PCCA: variants seen among roughly 807,000 people sequenced by gnomAD.
PCCA encodes propionyl-CoA carboxylase alpha chain, mitochondrial.
Under a neutral mutation model 101.3 loss-of-function variants are expected in PCCA, and 74 were observed. That is an observed-to-expected ratio of 0.73 (90% CI 0.61 to 0.89). The LOEUF is 0.89. Among genes scored for constraint, PCCA ranks in the 40% least tolerant of loss-of-function variants. The probability of loss-of-function intolerance (pLI) is 0.00; values close to 1 mark genes in which losing one functional copy is unlikely to be tolerated. For missense variants in PCCA, 891 were observed against 907.0 expected (o/e 0.98, Z 0.23); for synonymous variants, 294 against 313.6 (o/e 0.94, Z 0.66).
At chr13:100,514,623 A>G (rs1015954928) in intron 21 of PCCA, among the ~76,000 whole-genome samples, 6 of 152,136 alleles carry the variant, frequency 3.9e-5, no homozygotes, top group African/African-American at 1.2e-4. Flanking sequence ...GAGGATAGGA[A>G]TTCTCTTTTT....
intron 18 of PCCA, among the ~76,000 whole-genome samples, chr13:100,360,755 G>GT (rs2074484658): frequency 6.6e-6 from 1 of 152,168 alleles, no homozygotes; most frequent in African/African-American, 2.4e-5. Flanking sequence ...CAGTTTGGCA[G>GT]TTTCTTACAC....
At chr13:100,100,901 T>C (rs2047218807) in intron 1 of PCCA, among the ~76,000 whole-genome samples, 2 of 152,020 alleles carry the variant, frequency 1.3e-5, no homozygotes, top group Non-Finnish European at 2.9e-5. Context: ...CCTCCCGGGT[T>C]CAAGCGATTC....
intron 19 of PCCA, among the ~76,000 whole-genome samples, chr13:100,370,013 T>C (rs76455440): frequency 6.6e-6 from 1 of 151,246 alleles, no homozygotes; most frequent in African/African-American, 2.4e-5. Flanking sequence ...CAATGTTCTT[T>C]TAAGTAGTGC....
intron 8 of PCCA, chr13:100,236,816 A>G (rs2060832007): frequency 6.6e-6 from 1 of 152,226 alleles, no homozygotes; most frequent in South Asian, 2.1e-4. Flanking sequence ...TATTTTTGGT[A>G]TCTGCTAATT....
At chr13:100,367,334 G>A (rs1300022212) in intron 18 of PCCA, among the ~76,000 whole-genome samples, 3 of 152,050 alleles carry the variant, frequency 2.0e-5, no homozygotes, top group Admixed American at 2.0e-4. Flanking sequence ...TTTCTGGGGG[G>A]TTTTAGGTGA....
chr13:100,135,544 T>A (rs959259326), intron 4 of PCCA, among the ~76,000 whole-genome samples: 5 of 152,342 alleles, frequency 3.3e-5, no homozygotes, highest in African/African-American at 1.2e-4. Context: ...ACTCATTAGT[T>A]CTAGGAGTAT....
intron 21 of PCCA, chr13:100,490,464 C>T (rs970860265): frequency 6.6e-6 from 1 of 152,352 alleles, no homozygotes. Flanking sequence ...TTTAGAAGAA[C>T]ATGCACAGTT....
intron 7 of PCCA, among the ~76,000 whole-genome samples, chr13:100,214,414 T>G (rs2059396506): frequency 1.3e-5 from 2 of 151,608 alleles, no homozygotes; most frequent in Non-Finnish European, 1.5e-5. Flanking sequence ...TAGTTGTTTT[T>G]TTGTGTGTGT....
At chr13:100,416,877 C>G (rs528140065) in intron 19 of PCCA, among the ~76,000 whole-genome samples, 1 of 151,294 alleles carries the variant, frequency 6.6e-6, no homozygotes, top group Non-Finnish European at 1.5e-5. Context: ...GAGTTTTGCT[C>G]TTGTTGTCCA....
intron 18 of PCCA, among the ~76,000 whole-genome samples, chr13:100,346,051 A>G (rs1340299483): frequency 6.6e-6 from 1 of 152,264 alleles, no homozygotes; most frequent in South Asian, 2.1e-4. Flanking sequence ...AAGAGCTCTG[A>G]TGGAGAAGCA....
At chr13:100,485,182 C>T (rs1400430071) in intron 21 of PCCA, among the ~76,000 whole-genome samples, 1 of 152,194 alleles carries the variant, frequency 6.6e-6, no homozygotes, top group Non-Finnish European at 1.5e-5. Flanking sequence ...GCTGTTCCCA[C>T]CCCATTGCTT....
At chr13:100,141,398 CATTT>C (rs150344973) in intron 4 of PCCA, among the ~76,000 whole-genome samples, 5,077 of 152,004 alleles carry the variant, frequency 0.033, 279 homozygotes, top group African/African-American at 0.12. Flanking sequence ...TTTTTTATTA[CATTT>C]ATTTATTTAT....
At position 100,273,348 on chromosome 13, in the gene PCCA, TAAC is replaced by T. The variant is rs1467232371; in HGVS notation, c.1065+9_1065+11del. On this transcript the variant is annotated splice_donor_5th_base_variant and intron_variant, in intron 12 of 23. Transcript: ENST00000376285. ...TTGGAAATGAATACAAGACTCCAGG[TAAC>T]AACAACTGTTATTTATTCCTCTCCA... 1.2e-6 allele frequency: 2 copies of T among 1,609,382 alleles called. No homozygotes were observed. Among genetic ancestry groups the T allele is most frequent in the Admixed American group, 1.7e-5 (1 of 60,020 alleles).
intron 22 of PCCA, among the ~76,000 whole-genome samples, chr13:100,519,504 C>T (rs998922534): frequency 1.3e-5 from 2 of 152,346 alleles, no homozygotes; most frequent in South Asian, 2.1e-4. Context: ...AGCATCACAT[C>T]GGTGGGCGTC....
Position 100,257,626 on chromosome 13 carries a change from TG to T in PCCA, c.671del (p.Gly224ValfsTer36). The T allele has an allele frequency of 6.2e-7, 1 of 1,613,636 alleles. No individual in the cohort carries two copies. Among genetic ancestry groups the T allele is most frequent in the Non-Finnish European group, 8.5e-7 (1 of 1,179,802 alleles). On this transcript the variant is annotated frameshift_variant, in exon 9 of 24. Coordinates refer to ENST00000376285, the MANE Select transcript of PCCA (RefSeq NM_000282.4). LOFTEE classifies it high-confidence loss of function. The stretch of plus-strand genomic sequence containing the variant: ...CTGTCATGATCAAGGCCTCAGCAGG[TG>T]GTGGTGGGAAAGGCATGCGCATTGC... Reference protein sequence around the residue: ...YPVMIKASAGGGGKGMRIAWD... With the variant: ...YPVMIKASAGXGGKGMRIAWD...
In PCCA at chr13:100,185,474, C is replaced by T. The variant is rs368870670; in HGVS notation, c.469-23858C>T. Among the ~76,000 whole-genome samples, 548 of 152,060 alleles carry T rather than the reference C, an allele frequency of 3.6e-3. 8 individuals carry two copies. Among genetic ancestry groups the T allele is most frequent in the African/African-American group, 0.013 (524 of 41,472 alleles). Reference sequence around the variant, plus strand: ...AGGTGATTCTCCCACCTCAGCCTCCCGGGTAGCTGGGACCACAGGCACAAG... The same window carrying T: ...AGGTGATTCTCCCACCTCAGCCTCCTGGGTAGCTGGGACCACAGGCACAAG... On this transcript the variant is annotated intron_variant, in intron 6 of 23. Transcript: ENST00000376285.
At chr13:100,395,408 G>A (rs958252053) in intron 19 of PCCA, among the ~76,000 whole-genome samples, 1 of 152,146 alleles carries the variant, frequency 6.6e-6, no homozygotes, top group Non-Finnish European at 1.5e-5. Flanking sequence ...CACCATTGAA[G>A]AGATTAAAAA....
intron 9 of PCCA, among the ~76,000 whole-genome samples, chr13:100,257,914 T>G (rs924710275): frequency 2.0e-5 from 3 of 152,190 alleles, no homozygotes; most frequent in Non-Finnish European, 2.9e-5. Context: ...AGGATTTTCT[T>G]TTTGTTTTTA....
At chr13:100,369,862 A>G (rs1458378774) in intron 19 of PCCA, among the ~76,000 whole-genome samples, 1 of 152,166 alleles carries the variant, frequency 6.6e-6, no homozygotes, top group Non-Finnish European at 1.5e-5. Flanking sequence ...TAGGAATTGA[A>G]TAGTAAAGAG....
Sources: gnomAD v4.1 joint callset for allele counts (sites outside exome capture counted in the v4.1 genomes callset) on GRCh38, gnomAD v4.1.1 for gene constraint, MANE v1.5 for transcripts, NCBI Gene and HGNC (gene_info 2026-07-23, HGNC 2026-07-21) for gene names.